The following ZDHHC23 variants were observed in gnomAD, a reference collection of about 807,000 sequenced individuals.
The protein encoded by ZDHHC23 is zDHHC palmitoyltransferase 23.
In ZDHHC23, 41 loss-of-function variants were observed where a neutral mutation model predicts 40.2. The observed-to-expected ratio is 1.02, with a 90% CI of 0.79 to 1.32. ZDHHC23 has a LOEUF of 1.32. ZDHHC23 is among the 40% of genes most tolerant of loss of function. The pLI, the probability that ZDHHC23 is intolerant of heterozygous loss-of-function variation, is 0.00. For synonymous variants in ZDHHC23, 204 were observed against 210.2 expected, an observed-to-expected ratio of 0.97 and a Z score of 0.26; for missense variants, 471 against 541.5, an observed-to-expected ratio of 0.87 and a Z score of 1.29.
In ZDHHC23 at chr3:113,958,397, G is replaced by C. The variant is rs773662828; in HGVS notation, c.1075G>C (p.Val359Leu). 3 of 1,614,162 alleles carry C rather than the reference G, an allele frequency of 1.9e-6. No individual in the cohort carries two copies. In the South Asian group the frequency reaches 3.3e-5, roughly 18 times the overall value. ...ALSFTCVWYS[V>L]IITAGMAYIF... ...GTCCTTCACCTGCGTGTGGTACTCT[G>C]TGATCATCACAGCAGGCATGGCCTA... Residue 359 changes from valine (V) to leucine (L), a missense_variant, in exon 5 of 5, where the codon GTG becomes CTG. Around this residue, in one of 3 missense-constraint regions of ZDHHC23, gnomAD observed 346 missense variants for 399.8 expected, o/e 0.87. Coordinates refer to ENST00000638807, the MANE Select transcript of ZDHHC23 (RefSeq NM_001320466.2).
At chr3:113,953,172 C>T (rs1241123928) in intron 2 of ZDHHC23, among the ~76,000 whole-genome samples, 5 of 150,340 alleles carry the variant, frequency 3.3e-5, no homozygotes, top group African/African-American at 1.2e-4. Flanking sequence ...ACTGGAAGGC[C>T]TTCCTTACTC....
At chr3:113,954,922 TTTGA>T (rs1322823200) in intron 3 of ZDHHC23, among the ~76,000 whole-genome samples, 1 of 152,212 alleles carries the variant, frequency 6.6e-6, no homozygotes, top group African/African-American at 2.4e-5. Context: ...AAACTCTCTA[TTTGA>T]TTATTTGCAG....
chr3:113,960,455 A>T lies in ZDHHC23; in HGVS notation c.*1825A>T. On this transcript the variant is annotated 3_prime_UTR_variant, in exon 5 of 5. Transcript: ENST00000638807. The stretch of plus-strand genomic sequence containing the variant: ...TCTATACAGGTTTTACATAAGAGAG[A>T]CAGTAATAATGTCAAGGATAGCCTG... 1 of 1,364,456 alleles carries T rather than the reference A, an allele frequency of 7.3e-7. No homozygotes were observed. The highest frequency in any genetic ancestry group is 1.7e-5 in the South Asian group (1 of 59,908). The allele number at this position is 1,364,456 out of a possible 1,614,324, so 84.5% of individuals were successfully genotyped here.
rs752108937 is a variant in ZDHHC23, at chr3:113,953,688, T to C, written c.162-12T>C. The C allele has an allele frequency of 1.2e-6, 2 of 1,601,362 alleles. No homozygotes were observed. Among genetic ancestry groups the C allele is most frequent in the South Asian group, 1.1e-5 (1 of 89,182 alleles). On this transcript the variant is annotated splice_polypyrimidine_tract_variant and intron_variant, in intron 2 of 4. Transcript: ENST00000638807. ...ACATGAAGTCCCTCCTCTTTGTGCT[T>C]TTTCTGAATAGATGGATTACATGTA...
intron 2 of ZDHHC23, among the ~76,000 whole-genome samples, chr3:113,950,257 C>G (rs1938536961): frequency 6.6e-6 from 1 of 152,180 alleles, no homozygotes; most frequent in Admixed American, 6.5e-5. Context: ...TTCTTACTAG[C>G]CTGTCTTAAT....
intron 4 of ZDHHC23, 90 bp from the exon 5 acceptor site, chr3:113,958,273 A>T: frequency 8.1e-7 from 1 of 1,228,094 alleles, no homozygotes; most frequent in Non-Finnish European, 1.2e-6. Context: ...CTTTAGTAAT[A>T]AGTAAAAAAA....
the ZDHHC23 span, among the ~76,000 whole-genome samples, chr3:113,973,628 T>C: frequency 6.6e-6 from 1 of 151,904 alleles, no homozygotes; most frequent in Non-Finnish European, 1.5e-5. Context: ...TTCAGCACTT[T>C]GAAAATCTCA....
the ZDHHC23 span, among the ~76,000 whole-genome samples, chr3:113,974,987 G>A: frequency 1.3e-5 from 2 of 152,140 alleles, no homozygotes; most frequent in Non-Finnish European, 2.9e-5. Flanking sequence ...TGGGTGTATT[G>A]TATAATAAGT....
rs368976234 is a variant in ZDHHC23, at chr3:113,953,873, T to C, written c.335T>C (p.Leu112Pro). Reference protein sequence around the residue: ...FLHVASWHFLLGVVVLTSLPV... With the variant: ...FLHVASWHFLPGVVVLTSLPV... The stretch of plus-strand genomic sequence containing the variant: ...CATGTGGCTTCCTGGCATTTCCTCC[T>C]GGGGGTGGTGGTTTTGACCTCCCTT... The change falls in exon 3 of 5, where the codon CTG becomes CCG. Residue 112 changes from leucine (L) to proline (P), a missense_variant. Around this residue, in one of 3 missense-constraint regions of ZDHHC23, gnomAD observed 42 missense variants for 73.9 expected, o/e 0.57. Coordinates refer to ENST00000638807, the MANE Select transcript of ZDHHC23 (RefSeq NM_001320466.2). 12 of 1,614,038 alleles carry C rather than the reference T, an allele frequency of 7.4e-6. No individual in the cohort carries two copies. Among genetic ancestry groups the C allele is most frequent in the Non-Finnish European group, 1.0e-5 (12 of 1,180,018 alleles).
chr3:113,959,430 T>C lies in ZDHHC23; in HGVS notation c.*800T>C. The C allele has an allele frequency of 1.6e-6, 2 of 1,243,698 alleles. No homozygotes were observed. The highest frequency in any genetic ancestry group is 2.6e-5 in the South Asian group (2 of 76,980). The allele number at this position is 1,243,698 out of a possible 1,614,324, so 77.0% of individuals were successfully genotyped here. On this transcript the variant is annotated 3_prime_UTR_variant, in exon 5 of 5. Coordinates refer to ENST00000638807, the MANE Select transcript of ZDHHC23 (RefSeq NM_001320466.2). The stretch of plus-strand genomic sequence containing the variant: ...GGCCATGAGTTTAGGTGATGAGTTC[T>C]TCTATTTATATTTTATAAATTCTGC...
chr3:113,951,550 A>G (rs1386756043), intron 2 of ZDHHC23, among the ~76,000 whole-genome samples: 1 of 152,210 alleles, frequency 6.6e-6, no homozygotes, highest in African/African-American at 2.4e-5. Context: ...GATGGCACTC[A>G]GCAGTACACC....
downstream of ZDHHC23, among the ~76,000 whole-genome samples, chr3:113,967,570 G>A (rs1940338421): frequency 6.6e-6 from 1 of 152,120 alleles, no homozygotes; most frequent in Non-Finnish European, 1.5e-5. Flanking sequence ...TTCATGTAAT[G>A]TGTAAAGATC....
Position 113,959,283 on chromosome 3 carries a change from T to G in ZDHHC23, c.*653T>G, listed in dbSNP as rs1367235206. The G allele has an allele frequency of 9.2e-7, 1 of 1,086,258 alleles. No homozygotes were observed. The highest frequency in any genetic ancestry group is 1.1e-6 in the Non-Finnish European group (1 of 881,704). 67.3% of individuals were successfully genotyped at this position (1,086,258 alleles called of 1,614,324 possible). On this transcript the variant is annotated 3_prime_UTR_variant, in exon 5 of 5. Coordinates refer to ENST00000638807, the MANE Select transcript of ZDHHC23 (RefSeq NM_001320466.2). ...GTACAGTTATGAGAATTTCTCCTTC[T>G]TATTAGACATGAACTACTCAAACAG...
the ZDHHC23 span, chr3:113,978,155 G>A: frequency 1.2e-6 from 2 of 1,610,048 alleles, no homozygotes; most frequent in Non-Finnish European, 1.7e-6. Context: ...TGAAGTCAGA[G>A]AGTGAATTTT....
Position 113,962,106 on chromosome 3 carries a change from C to G in ZDHHC23, c.*3476C>G, listed in dbSNP as rs904975273. ...TAATAAGAGACTTTTCCTGAGGCACCTGTTTGGAATCTGGTTTTCTCAGCG... is the reference window on the plus strand; with the variant it reads ...TAATAAGAGACTTTTCCTGAGGCACGTGTTTGGAATCTGGTTTTCTCAGCG... On this transcript the variant is annotated 3_prime_UTR_variant, in exon 5 of 5. Transcript: ENST00000638807. 3 of 152,526 alleles carry G rather than the reference C, an allele frequency of 2.0e-5. No homozygotes were observed. The highest frequency in any genetic ancestry group is 2.9e-5 in the Non-Finnish European group (2 of 68,036). The allele number at this position is 152,526 out of a possible 1,614,324, so 9.4% of individuals were successfully genotyped here.
chr3:113,958,344 GC>G lies in ZDHHC23; in HGVS notation c.1041-17del, dbSNP rs1235822493. On this transcript the variant is annotated intron_variant, in intron 4 of 4. Transcript: ENST00000638807. ...TTTGACAAAAACGGCAGCCCTGACA[GC>G]CTTTTTCCCTCTCCTAGCTCGGCTC... The G allele has an allele frequency of 8.2e-6, 13 of 1,588,160 alleles. No homozygotes were observed. The highest frequency in any genetic ancestry group is 1.1e-5 in the Non-Finnish European group (13 of 1,162,768).
At chr3:113,965,292 T>C, downstream of ZDHHC23, 1 of 1,612,580 alleles carries the variant, frequency 6.2e-7, no homozygotes, top group Non-Finnish European at 8.5e-7. Flanking sequence ...CTTTCTTCTT[T>C]TACTCTTTCC....
At chr3:113,968,808 C>G (rs1940499244), downstream of ZDHHC23, among the ~76,000 whole-genome samples, 1 of 151,900 alleles carries the variant, frequency 6.6e-6, no homozygotes. Flanking sequence ...GAGTTCCTTA[C>G]ATATTCTAGT....
intron 4 of ZDHHC23, 56 bp downstream of exon 4, chr3:113,956,562 T>G (rs917904287): frequency 6.5e-7 from 1 of 1,530,758 alleles, no homozygotes; most frequent in Non-Finnish European, 8.8e-7. Flanking sequence ...GGTGTTGCCA[T>G]TGACAGGGAC....
Sources: allele counts gnomAD v4.1 joint callset (sites outside exome capture counted in the v4.1 genomes callset), GRCh38; gene constraint gnomAD v4.1.1; regional missense constraint gnomAD v4.1.1; transcripts MANE v1.5; gene names NCBI Gene and HGNC (gene_info 2026-07-23, HGNC 2026-07-21).